CCSER1: variants seen among roughly 807,000 people sequenced by gnomAD.
The protein encoded by CCSER1 is coiled-coil serine rich protein 1, also known as serine-rich coiled-coil domain-containing protein 1.
Under a neutral mutation model 82.0 loss-of-function variants are expected in CCSER1, and 41 were observed. The observed-to-expected ratio is 0.50, with a 90% CI of 0.39 to 0.65. CCSER1 has a LOEUF of 0.65. Among genes scored for constraint, CCSER1 ranks in the 30% least tolerant of loss-of-function variants. CCSER1 has a pLI of 0.00. For synonymous variants in CCSER1, 414 were observed against 383.9 expected, an observed-to-expected ratio of 1.08 and a Z score of -0.92; for missense variants, 1,119 against 1,064.2, an observed-to-expected ratio of 1.05 and a Z score of -0.72.
At chr4:90,614,350 G>A (rs1027188163) in intron 5 of CCSER1, among the ~76,000 whole-genome samples, 1 of 152,096 alleles carries the variant, frequency 6.6e-6, no homozygotes, top group Non-Finnish European at 1.5e-5. Context: ...CCCTGTAGAT[G>A]TTCAAGTGAA....
At chr4:90,561,904 T>G (rs1456006284) in intron 5 of CCSER1, among the ~76,000 whole-genome samples, 1 of 152,122 alleles carries the variant, frequency 6.6e-6, no homozygotes, top group African/African-American at 2.4e-5. Context: ...AAGATAAATT[T>G]AGGCCGGGAG....
chr4:91,201,465 G>C (rs146531675), intron 10 of CCSER1, among the ~76,000 whole-genome samples: 142 of 152,192 alleles, frequency 9.3e-4, no homozygotes, highest in African/African-American at 3.3e-3. Context: ...TATTTCAGAT[G>C]TAAATGAAGG....
At chr4:90,550,383 T>C (rs1777312027) in intron 5 of CCSER1, among the ~76,000 whole-genome samples, 1 of 152,204 alleles carries the variant, frequency 6.6e-6, no homozygotes, top group South Asian at 2.1e-4. Flanking sequence ...TTTCTTTATT[T>C]ACTTAGTAAT....
At chr4:91,491,075 T>G (rs1215768804) in intron 10 of CCSER1, among the ~76,000 whole-genome samples, 1 of 150,868 alleles carries the variant, frequency 6.6e-6, no homozygotes, top group African/African-American at 2.4e-5. Flanking sequence ...ATACTACTGT[T>G]ATACCCACTT....
intron 10 of CCSER1, among the ~76,000 whole-genome samples, chr4:91,227,554 GTT>G (rs558363023): frequency 6.9e-6 from 1 of 145,692 alleles, no homozygotes; most frequent in Admixed American, 6.9e-5. Flanking sequence ...ACATGTACTG[GTT>G]TTTTTTTTTA....
At chr4:91,091,511 G>A (rs546151046) in intron 10 of CCSER1, among the ~76,000 whole-genome samples, 1 of 152,274 alleles carries the variant, frequency 6.6e-6, no homozygotes, top group Admixed American at 6.5e-5. Context: ...AGAAGCAGTG[G>A]AAGCTTTTAC....
At chr4:91,030,354 C>G (rs956936197) in intron 9 of CCSER1, among the ~76,000 whole-genome samples, 8 of 152,078 alleles carry the variant, frequency 5.3e-5, no homozygotes, top group African/African-American at 1.9e-4. Flanking sequence ...AAACTACAAG[C>G]ACACATAGCT....
Position 91,004,250 on chromosome 4 carries a change from G to A in CCSER1, c.2172+80803G>A, listed in dbSNP as rs1005963912. On this transcript the variant is annotated intron_variant, in intron 9 of 10. Coordinates refer to ENST00000509176, the MANE Select transcript of CCSER1 (RefSeq NM_001145065.2). ...AGTCTTGCCTCCAGTCCACCGTAAT[G>A]TTCCCCTTTTCCCAAGTCTCATCTT... Among the ~76,000 whole-genome samples the A allele has an allele frequency of 3.2e-4, 49 of 152,096 alleles. 1 individual carries two copies. Among genetic ancestry groups the A allele is most frequent in the Non-Finnish European group, 1.5e-5 (1 of 68,010 alleles).
chr4:90,470,503 G>GGTGGTTATT (rs200072413), intron 5 of CCSER1, among the ~76,000 whole-genome samples: 1,724 of 152,230 alleles, frequency 0.011, 14 homozygotes, highest in South Asian at 0.022. Flanking sequence ...CAAGAGTGCT[G>GGTGGTTATT]GTGGTTATTG....
intron 9 of CCSER1, among the ~76,000 whole-genome samples, chr4:90,959,980 T>C (rs532913009): frequency 6.6e-6 from 1 of 152,254 alleles, no homozygotes; most frequent in African/African-American, 2.4e-5. Flanking sequence ...TGACATTAGA[T>C]TTGTCTATGT....
intron 5 of CCSER1, among the ~76,000 whole-genome samples, chr4:90,551,133 A>G (rs1213580302): frequency 2.0e-5 from 3 of 152,132 alleles, no homozygotes; most frequent in Non-Finnish European, 4.4e-5. Context: ...ATAAATTTAT[A>G]TAGTTTAGAA....
chr4:91,545,058 C>T (rs1243097775), intron 10 of CCSER1, among the ~76,000 whole-genome samples: 1 of 152,070 alleles, frequency 6.6e-6, no homozygotes, highest in East Asian at 1.9e-4. Flanking sequence ...TCACTGCCAC[C>T]TTACAGTTGG....
intron 9 of CCSER1, among the ~76,000 whole-genome samples, chr4:90,956,466 T>C (rs2150364090): frequency 6.6e-6 from 1 of 152,284 alleles, no homozygotes; most frequent in South Asian, 2.1e-4. Context: ...ATGTCCCTAG[T>C]GATGGAGGGA....
intron 10 of CCSER1, among the ~76,000 whole-genome samples, chr4:91,345,967 T>G (rs1748025915): frequency 6.6e-6 from 1 of 152,056 alleles, no homozygotes; most frequent in Non-Finnish European, 1.5e-5. Context: ...TTGGATTACT[T>G]CACTTAGCAA....
At chr4:90,810,885 T>G (rs1166418894) in intron 7 of CCSER1, among the ~76,000 whole-genome samples, 4 of 135,208 alleles carry the variant, frequency 3.0e-5, no homozygotes, top group Non-Finnish European at 4.6e-5. Flanking sequence ...CAGGCTGGAG[T>G]GCAGTGGCGC....
intron 4 of CCSER1, among the ~76,000 whole-genome samples, chr4:90,420,495 C>T (rs1756521561): frequency 6.6e-6 from 1 of 151,970 alleles, no homozygotes; most frequent in South Asian, 2.1e-4. Context: ...AGTAAGATGG[C>T]AATTATTTGA....
At chr4:90,832,312 A>G (rs1490100511) in intron 8 of CCSER1, among the ~76,000 whole-genome samples, 1 of 152,116 alleles carries the variant, frequency 6.6e-6, no homozygotes, top group African/African-American at 2.4e-5. Context: ...ATAGGTGTAG[A>G]TACAGATAGA....
chr4:90,965,504 T>C (rs762817527), intron 9 of CCSER1, among the ~76,000 whole-genome samples: 7 of 152,166 alleles, frequency 4.6e-5, no homozygotes, highest in Admixed American at 6.5e-5. Context: ...ACAAAACCAA[T>C]TGGCAAAAGC....
Position 90,226,972 on chromosome 4 carries a change from G to A in CCSER1, c.-41-81272G>A, listed in dbSNP as rs148837909. 1.5e-3 allele frequency among the ~76,000 whole-genome samples: 222 copies of A among 152,354 alleles called. 1 individual carries two copies. Among genetic ancestry groups the A allele is most frequent in the African/African-American group, 5.1e-3 (213 of 41,588 alleles). On this transcript the variant is annotated intron_variant, in intron 1 of 10. Transcript: ENST00000509176. The stretch of plus-strand genomic sequence containing the variant: ...AGTGCCACATGGGTTAGTCAAGACA[G>A]TGTGGAATTTTTATTGCATTCCCTG...
Sources: gnomAD v4.1 joint callset for allele counts (sites outside exome capture counted in the v4.1 genomes callset) on GRCh38, gnomAD v4.1.1 for gene constraint, MANE v1.5 for transcripts, NCBI Gene and HGNC (gene_info 2026-07-23, HGNC 2026-07-21) for gene names.